Variants in SAMMSON observed in about 807,000 individuals in gnomAD.
The protein encoded by SAMMSON is long intergenic non-protein coding RNA 1212.
rs558192493 is a variant in SAMMSON at position 70,057,199 on chromosome 3, C to T, written n.418-14277C>T. On this transcript the variant is annotated intron_variant and non_coding_transcript_variant, in intron 3 of 9. Transcript: ENST00000642114. ...TCAAGTCAGAATGCAAAATAAGTTT[C>T]GTGGATAATTTTGTTATTGGGGAAA... Among the ~76,000 whole-genome samples, 22 of 152,096 alleles carry T rather than the reference C, an allele frequency of 1.4e-4. No homozygotes were observed. The South Asian group carries it at 4.1e-3, about 29-fold the overall frequency.
intron 9 of SAMMSON, among the ~76,000 whole-genome samples, chr3:70,380,484 A>C (rs1703055990): frequency 6.6e-6 from 1 of 152,172 alleles, no homozygotes; most frequent in Admixed American, 6.5e-5. Flanking sequence ...AATAGTTGTC[A>C]TGTGTGCTAA....
intron 3 of SAMMSON, among the ~76,000 whole-genome samples, chr3:70,064,609 G>A (rs1041277066): frequency 1.3e-5 from 2 of 152,110 alleles, no homozygotes; most frequent in Admixed American, 1.3e-4. Flanking sequence ...TTGTACATCA[G>A]AGTGGGGCCA....
intron 4 of SAMMSON, chr3:70,184,074 G>A (rs1701073907): frequency 6.6e-6 from 1 of 152,100 alleles, no homozygotes; most frequent in Non-Finnish European, 1.5e-5. Context: ...GATGGGGTTT[G>A]GGTCATTTGA....
chr3:70,273,027 A>C (rs1701988944), intron 6 of SAMMSON, among the ~76,000 whole-genome samples: 1 of 152,122 alleles, frequency 6.6e-6, no homozygotes, highest in Non-Finnish European at 1.5e-5. Context: ...TCCACCTCCA[A>C]ATATCCTTCT....
intron 7 of SAMMSON, among the ~76,000 whole-genome samples, chr3:70,349,429 A>G (rs1702775309): frequency 6.6e-6 from 1 of 152,196 alleles, no homozygotes; most frequent in African/African-American, 2.4e-5. Context: ...AGCATTTGCC[A>G]GAGCATGTAA....
At chr3:70,149,287 G>T (rs559671593) in intron 4 of SAMMSON, among the ~76,000 whole-genome samples, 49 of 152,182 alleles carry the variant, frequency 3.2e-4, no homozygotes, top group South Asian at 2.1e-3. Context: ...TCTCTGGTCT[G>T]TTAGGGGACA....
chr3:70,128,690 A>G (rs1160990058), intron 4 of SAMMSON, among the ~76,000 whole-genome samples: 3 of 152,030 alleles, frequency 2.0e-5, no homozygotes, highest in Non-Finnish European at 4.4e-5. Flanking sequence ...TCTTTAAGAA[A>G]GGGAACCAAT....
chr3:70,143,078 G>A (rs2067534437), intron 4 of SAMMSON, among the ~76,000 whole-genome samples: 1 of 152,030 alleles, frequency 6.6e-6, no homozygotes, highest in Non-Finnish European at 1.5e-5. Flanking sequence ...CTACTTTCAG[G>A]GATGCATGAG....
chr3:70,023,322 G>A (rs1023369611), intron 3 of SAMMSON, among the ~76,000 whole-genome samples: 3 of 151,872 alleles, frequency 2.0e-5, no homozygotes, highest in Admixed American at 6.6e-5. Flanking sequence ...TTAGCCAGGC[G>A]TGGTGGCAGA....
intron 4 of SAMMSON, among the ~76,000 whole-genome samples, chr3:70,214,073 T>C (rs1701379299): frequency 6.6e-6 from 1 of 152,094 alleles, no homozygotes; most frequent in Non-Finnish European, 1.5e-5. Context: ...CTTCTAAAAT[T>C]TCCTCACCTT....
intron 1 of SAMMSON, chr3:70,009,053 G>A (rs896218883): frequency 3.3e-5 from 5 of 152,150 alleles, no homozygotes; most frequent in Admixed American, 6.5e-5. Context: ...GTATTTTATT[G>A]AGGATTTTTG....
intron 4 of SAMMSON, among the ~76,000 whole-genome samples, chr3:70,077,046 G>A (rs1304750383): frequency 6.6e-6 from 1 of 152,134 alleles, no homozygotes; most frequent in Non-Finnish European, 1.5e-5. Context: ...GGGAATTTGA[G>A]AGAAATGAAG....
chr3:70,151,118 A>G (rs1424602358), intron 4 of SAMMSON, among the ~76,000 whole-genome samples: 1 of 151,738 alleles, frequency 6.6e-6, no homozygotes, highest in Admixed American at 6.6e-5. Context: ...AACTGGTTAA[A>G]CAGGTATGAG....
intron 4 of SAMMSON, among the ~76,000 whole-genome samples, chr3:70,180,191 C>T (rs1035532817): frequency 1.3e-5 from 2 of 151,984 alleles, no homozygotes; most frequent in Non-Finnish European, 2.9e-5. Flanking sequence ...ACATAGATAA[C>T]TTGATGGTCC....
At chr3:70,390,966 C>T (rs753856981), downstream of SAMMSON, among the ~76,000 whole-genome samples, 1 of 152,072 alleles carries the variant, frequency 6.6e-6, no homozygotes, top group Non-Finnish European at 1.5e-5. Context: ...ATTTTGTTGA[C>T]AAATTCATGT....
intron 7 of SAMMSON, among the ~76,000 whole-genome samples, chr3:70,301,534 A>T (rs1702349015): frequency 6.6e-6 from 1 of 152,122 alleles, no homozygotes; most frequent in South Asian, 2.1e-4. Flanking sequence ...GTCTTGCAGG[A>T]AATGAAAACA....
intron 4 of SAMMSON, among the ~76,000 whole-genome samples, chr3:70,080,224 A>T (rs1312617808): frequency 6.6e-6 from 1 of 152,204 alleles, no homozygotes; most frequent in Non-Finnish European, 1.5e-5. Context: ...CCCTTCTAGG[A>T]GGAAGAAAAC....
At chr3:70,275,280 T>C (rs1702012611) in intron 6 of SAMMSON, among the ~76,000 whole-genome samples, 1 of 152,178 alleles carries the variant, frequency 6.6e-6, no homozygotes, top group African/African-American at 2.4e-5. Context: ...CTCAGCACTT[T>C]GGCAGGCCGA....
At chr3:70,336,445 T>A (rs73106673) in intron 7 of SAMMSON, among the ~76,000 whole-genome samples, 20,812 of 151,934 alleles carry the variant, frequency 0.14, 1,515 homozygotes, top group South Asian at 0.18. Flanking sequence ...CTTCCTTTCC[T>A]GAGATTTCCG....
Sources: gnomAD v4.1 joint callset for allele counts (sites outside exome capture counted in the v4.1 genomes callset) on GRCh38, gnomAD v4.1.1 for gene constraint, MANE v1.5 for transcripts, NCBI Gene and HGNC (gene_info 2026-07-23, HGNC 2026-07-21) for gene names.